ATP8A1: variants seen among roughly 807,000 people sequenced by gnomAD.
The protein encoded by ATP8A1 is phospholipid-transporting ATPase IA.
In ATP8A1, 90 loss-of-function variants were observed where a neutral mutation model predicts 177.7. That is an observed-to-expected ratio of 0.51 (90% CI 0.43 to 0.60). The LOEUF is 0.60. Among genes scored for constraint, ATP8A1 ranks in the 20% least tolerant of loss-of-function variants. The probability of loss-of-function intolerance (pLI) is 0.00; values close to 1 mark genes in which losing one functional copy is unlikely to be tolerated. For missense variants in ATP8A1, 1,072 were observed against 1,392.8 expected (o/e 0.77, Z 3.67); for synonymous variants, 493 against 485.9 (o/e 1.01, Z -0.19).
chr4:42,633,478 A>T (rs529660713), intron 1 of ATP8A1, among the ~76,000 whole-genome samples: 1 of 152,350 alleles, frequency 6.6e-6, no homozygotes, highest in African/African-American at 2.4e-5. Context: ...TGGGCATTTT[A>T]AAAATGTTAT....
Position 42,544,129 on chromosome 4 carries a change from C to G in ATP8A1, c.1653-143G>C, listed in dbSNP as rs561447976. 1.1e-5 allele frequency: 7 copies of G among 649,686 alleles called. No individual in the cohort carries two copies. The South Asian group carries it at 1.4e-4, about 13-fold the overall frequency. The allele number at this position is 649,686 out of a possible 1,614,324, so 40.2% of individuals were successfully genotyped here. A position where few individuals can be genotyped will look rare whatever the true frequency, so the allele number is the denominator to read the frequency against. The stretch of plus-strand genomic sequence containing the variant: ...AGCCCTAACCTTCCACATACACAAA[C>G]TATCCCTTGGGTGTACAGCTGGGCA... On this transcript the variant is annotated intron_variant, in intron 19 of 36. Coordinates refer to ENST00000381668, the MANE Select transcript of ATP8A1 (RefSeq NM_006095.2).
chr4:42,628,622 T>C (rs147265239), intron 1 of ATP8A1, among the ~76,000 whole-genome samples: 91 of 151,700 alleles, frequency 6.0e-4, no homozygotes, highest in African/African-American at 2.2e-3. Context: ...ATCAGCAGCT[T>C]TGCTCACAGT....
chr4:42,626,861 C>T, intron 2 of ATP8A1, 134 bp downstream of exon 2: 1 of 690,982 alleles, frequency 1.4e-6, no homozygotes, highest in Non-Finnish European at 2.6e-6. Context: ...GGGGAAACAG[C>T]CTATTCACAC....
Position 42,464,563 on chromosome 4 carries a change from C to T in ATP8A1, c.2619+127G>A. On this transcript the variant is annotated intron_variant, in intron 27 of 36. Transcript: ENST00000381668. ...TACAGGCCACCTTTTTGTTTTAATA[C>T]ATTTAGAATTTATAAAGAGTTGGCA... The T allele has an allele frequency of 5.0e-6, 3 of 604,152 alleles. No individual in the cohort carries two copies. The East Asian group carries it at 8.6e-5, about 17-fold the overall frequency. 37.4% of individuals were successfully genotyped at this position (604,152 alleles called of 1,614,324 possible). A position where few individuals can be genotyped will look rare whatever the true frequency, so the allele number is the denominator to read the frequency against.
intron 19 of ATP8A1, among the ~76,000 whole-genome samples, chr4:42,548,506 T>C (rs906663927): frequency 6.6e-6 from 1 of 152,344 alleles, no homozygotes; most frequent in African/African-American, 2.4e-5. Context: ...TTGGGGTGTT[T>C]GGGATATGCA....
At chr4:42,635,793 A>ATC (rs1739260351) in intron 1 of ATP8A1, among the ~76,000 whole-genome samples, 1 of 109,768 alleles carries the variant, frequency 9.1e-6, no homozygotes, top group Non-Finnish European at 1.8e-5. Context: ...ATATATATAT[A>ATC]TATATATATA....
intron 4 of ATP8A1, among the ~76,000 whole-genome samples, chr4:42,620,131 C>T (rs10938199): frequency 0.78 from 118,328 of 152,180 alleles, 46,157 homozygotes; most frequent in Non-Finnish European, 0.82. Flanking sequence ...TCTTGCTGAA[C>T]GGATGAATGA....
intron 20 of ATP8A1, among the ~76,000 whole-genome samples, chr4:42,535,996 T>C (rs1727786927): frequency 6.6e-6 from 1 of 152,126 alleles, no homozygotes; most frequent in Non-Finnish European, 1.5e-5. Flanking sequence ...ATTAAATGTC[T>C]ACATCAAAAA....
At chr4:42,486,325 C>A (rs890173024) in intron 24 of ATP8A1, among the ~76,000 whole-genome samples, 6 of 152,120 alleles carry the variant, frequency 3.9e-5, no homozygotes, top group African/African-American at 1.4e-4. Flanking sequence ...GGAAGAGGAA[C>A]AGGCTATGAC....
At chr4:42,583,564 C>G (rs983686762) in intron 9 of ATP8A1, among the ~76,000 whole-genome samples, 16 of 152,276 alleles carry the variant, frequency 1.1e-4, no homozygotes, top group African/African-American at 3.6e-4. Flanking sequence ...AAAAGCAAAA[C>G]ATACCACTTT....
intron 22 of ATP8A1, among the ~76,000 whole-genome samples, chr4:42,512,157 T>C (rs530769205): frequency 1.3e-5 from 2 of 152,316 alleles, no homozygotes; most frequent in Admixed American, 1.3e-4. Flanking sequence ...TAAGGTCAAC[T>C]AGAGGTGCAG....
chr4:42,615,239 A>G (rs1222385221), intron 5 of ATP8A1, among the ~76,000 whole-genome samples: 1 of 152,168 alleles, frequency 6.6e-6, no homozygotes, highest in African/African-American at 2.4e-5. Flanking sequence ...TATAATGCCT[A>G]TTGTGGGAGG....
chr4:42,443,395 T>C (rs1716846202), intron 33 of ATP8A1, among the ~76,000 whole-genome samples, 170 bp downstream of exon 33: 2 of 152,264 alleles, frequency 1.3e-5, no homozygotes, highest in African/African-American at 4.8e-5. Context: ...TAAAATATTC[T>C]CTCAAGATTA....
At chr4:42,604,765 G>C (rs1250362793) in intron 5 of ATP8A1, among the ~76,000 whole-genome samples, 1 of 152,168 alleles carries the variant, frequency 6.6e-6, no homozygotes, top group Admixed American at 6.5e-5. Flanking sequence ...CCAAAGGGTA[G>C]AAACAACCCA....
Position 42,656,945 on chromosome 4 carries a change from C to A in ATP8A1, c.-72G>T. On this transcript the variant is annotated 5_prime_UTR_variant, in exon 1 of 37. Transcript: ENST00000381668. ...TCACGGCGTGGTACACGCGGGAGAC[C>A]CGGCTGCGCCGCGCAGAGCGCTCAG... is the stretch of plus-strand genomic sequence containing the variant. 1.4e-6 allele frequency: 2 copies of A among 1,387,292 alleles called. No individual in the cohort carries two copies. Among genetic ancestry groups the A allele is most frequent in the Admixed American group, 5.0e-5 (2 of 40,290 alleles). 85.9% of individuals were successfully genotyped at this position (1,387,292 alleles called of 1,614,324 possible). A position where few individuals can be genotyped will look rare whatever the true frequency, so the allele number is the denominator to read the frequency against.
rs549582099 is a variant in ATP8A1 at position 42,559,035 on chromosome 4, TCTGGTGGTATGCACCAG to T, written c.1341-3012_1341-2996del. On this transcript the variant is annotated intron_variant, in intron 15 of 36. Coordinates refer to ENST00000381668, the MANE Select transcript of ATP8A1 (RefSeq NM_006095.2). ...GCAAAAAATTAAAAAATTAGCCAGG[TCTGGTGGTATGCACCAG>T]CTGGTGGTGTGTAATCCCAGCTACT... 3.9e-4 allele frequency among the ~76,000 whole-genome samples: 60 copies of T among 152,136 alleles called. 1 individual carries two copies. The South Asian group carries it at 8.3e-3, about 21-fold the overall frequency.
chr4:42,573,647 C>T (rs761510637), intron 14 of ATP8A1, among the ~76,000 whole-genome samples: 78 of 152,250 alleles, frequency 5.1e-4, no homozygotes, highest in African/African-American at 1.5e-3. Flanking sequence ...GCTCTCGTAA[C>T]GCAAAGAACA....
chr4:42,534,476 T>TA (rs527522696), intron 20 of ATP8A1, among the ~76,000 whole-genome samples: 65 of 151,964 alleles, frequency 4.3e-4, no homozygotes, highest in African/African-American at 1.4e-3. Context: ...AAAAAGAATT[T>TA]AAAAAAAATG....
intron 20 of ATP8A1, among the ~76,000 whole-genome samples, chr4:42,532,615 A>G (rs1727388339): frequency 6.6e-6 from 1 of 152,192 alleles, no homozygotes; most frequent in Non-Finnish European, 1.5e-5. Context: ...CCCTATCAAA[A>G]TACCAATGTT....
Sources: allele counts gnomAD v4.1 joint callset (sites outside exome capture counted in the v4.1 genomes callset), GRCh38; gene constraint gnomAD v4.1.1; transcripts MANE v1.5; gene names NCBI Gene and HGNC (gene_info 2026-07-23, HGNC 2026-07-21).